DSCAM: variants seen among roughly 807,000 people sequenced by gnomAD.
DSCAM encodes the protein cell adhesion molecule DSCAM.
In DSCAM, 47 loss-of-function variants were observed where a neutral mutation model predicts 217.7. The observed-to-expected ratio is 0.22, with a 90% CI of 0.17 to 0.28. The LOEUF is 0.28. Ranked by LOEUF, DSCAM falls within the 10% of genes least tolerant of loss-of-function variation. The pLI, the probability that DSCAM is intolerant of heterozygous loss-of-function variation, is 1.00. For missense variants in DSCAM, 2,080 were observed against 2,618.3 expected (o/e 0.79, Z 4.49); for synonymous variants, 1,056 against 1,015.3 (o/e 1.04, Z -0.76).
At chr21:40,225,494 C>A (rs2837516) in intron 11 of DSCAM, among the ~76,000 whole-genome samples, 8 of 151,936 alleles carry the variant, frequency 5.3e-5, no homozygotes, top group Non-Finnish European at 1.2e-4. Flanking sequence ...ATCTTCAAAA[C>A]GGCTAAAATC....
intron 11 of DSCAM, among the ~76,000 whole-genome samples, chr21:40,269,029 A>C (rs958138963): frequency 1.3e-5 from 2 of 152,052 alleles, no homozygotes; most frequent in Non-Finnish European, 2.9e-5. Flanking sequence ...CTAACTCCTC[A>C]TTCCCCCAGA....
intron 10 of DSCAM, among the ~76,000 whole-genome samples, chr21:40,285,471 G>C (rs2073813224): frequency 6.6e-6 from 1 of 152,188 alleles, no homozygotes; most frequent in Non-Finnish European, 1.5e-5. Flanking sequence ...CACTTCCTTA[G>C]GTGAGGACCC....
At chr21:40,264,855 C>T (rs552444383) in intron 11 of DSCAM, among the ~76,000 whole-genome samples, 2 of 152,234 alleles carry the variant, frequency 1.3e-5, no homozygotes, top group African/African-American at 4.8e-5. Flanking sequence ...TATCAATATA[C>T]ACAAATCAGT....
intron 3 of DSCAM, among the ~76,000 whole-genome samples, chr21:40,487,280 T>G (rs1440524965): frequency 6.7e-6 from 1 of 148,564 alleles, no homozygotes; most frequent in Non-Finnish European, 1.5e-5. Context: ...TCTCTGTGTG[T>G]GTGCATGTGT....
chr21:40,560,817 T>C (rs1281810015), intron 3 of DSCAM, among the ~76,000 whole-genome samples: 1 of 152,192 alleles, frequency 6.6e-6, no homozygotes, highest in African/African-American at 2.4e-5. Context: ...AAAGAGAGTA[T>C]GGAACCACAT....
intron 32 of DSCAM, among the ~76,000 whole-genome samples, chr21:40,032,080 G>A (rs373343914): frequency 1.3e-5 from 2 of 152,180 alleles, no homozygotes; most frequent in African/African-American, 4.8e-5. Context: ...TCTGTGGGAT[G>A]ATTCAAGATG....
chr21:40,387,476 TCTCA>T (rs890186399), intron 3 of DSCAM, among the ~76,000 whole-genome samples: 16 of 152,152 alleles, frequency 1.1e-4, no homozygotes, highest in South Asian at 2.1e-4. Context: ...GGATTTGTAG[TCTCA>T]CTGTCTCCAG....
chr21:40,455,584 T>C lies in DSCAM; in HGVS notation c.509-86339A>G, dbSNP rs527316303. On this transcript the variant is annotated intron_variant, in intron 3 of 32. Transcript: ENST00000400454. ...GAGTTCAAGACCAGCCTGGCCAACATAGCGAAACCCCGTCTCTACTGTAAA... is the reference window on the plus strand; with the variant it reads ...GAGTTCAAGACCAGCCTGGCCAACACAGCGAAACCCCGTCTCTACTGTAAA... Among the ~76,000 whole-genome samples, 28 of 152,032 alleles carry C rather than the reference T, an allele frequency of 1.8e-4. 1 individual carries two copies. The East Asian group carries it at 2.3e-3, about 13-fold the overall frequency.
intron 24 of DSCAM, among the ~76,000 whole-genome samples, chr21:40,081,241 C>A (rs2089451823): frequency 6.6e-6 from 1 of 152,146 alleles, no homozygotes; most frequent in South Asian, 2.1e-4. Flanking sequence ...GGCTAGCTGG[C>A]CTGGAACATG....
intron 1 of DSCAM, among the ~76,000 whole-genome samples, chr21:40,771,947 C>T (rs897075145): frequency 2.0e-5 from 3 of 152,150 alleles, no homozygotes; most frequent in East Asian, 3.9e-4. Context: ...AATCTTTATG[C>T]GAATTTTATT....
At chr21:40,579,860 A>T (rs181928003) in intron 3 of DSCAM, among the ~76,000 whole-genome samples, 98 of 152,126 alleles carry the variant, frequency 6.4e-4, no homozygotes, top group Non-Finnish European at 1.1e-3. Flanking sequence ...CTTTGGTACT[A>T]AGAGGGTGTC....
Position 40,013,031 on chromosome 21 carries a change from C to CT in DSCAM, c.*2dup. 6.9e-7 allele frequency: 1 copy of CT among 1,458,128 alleles called. No individual in the cohort carries two copies. The highest frequency in any genetic ancestry group is 1.4e-5 in the African/African-American group (1 of 70,302). 90.3% of individuals were successfully genotyped at this position (1,458,128 alleles called of 1,614,324 possible). On this transcript the variant is annotated 3_prime_UTR_variant, in exon 33 of 33. Coordinates refer to ENST00000400454, the MANE Select transcript of DSCAM (RefSeq NM_001389.5). ...TACAACCGCTGTCCAGTCATGCTGT[C>CT]TGTTATACCAGGGTGTAAGATTTTG...
chr21:40,387,505 C>T (rs980088656), intron 3 of DSCAM, among the ~76,000 whole-genome samples: 8 of 152,176 alleles, frequency 5.3e-5, no homozygotes, highest in Admixed American at 4.6e-4. Flanking sequence ...CAGTAGACCT[C>T]ACTCTAGAAA....
At chr21:40,778,715 C>T (rs1336006153) in intron 1 of DSCAM, among the ~76,000 whole-genome samples, 1 of 151,760 alleles carries the variant, frequency 6.6e-6, no homozygotes, top group Non-Finnish European at 1.5e-5. Context: ...AAAAGAAGTT[C>T]AGTATATCAA....
chr21:40,672,054 G>A (rs2090282762), intron 3 of DSCAM, among the ~76,000 whole-genome samples: 1 of 152,152 alleles, frequency 6.6e-6, no homozygotes, highest in Non-Finnish European at 1.5e-5. Context: ...TCCTCACATG[G>A]CAGAGAGAGA....
intron 3 of DSCAM, among the ~76,000 whole-genome samples, chr21:40,513,720 C>T (rs1432377412): frequency 6.6e-6 from 1 of 152,156 alleles, no homozygotes; most frequent in African/African-American, 2.4e-5. Context: ...CCACCTTCAA[C>T]ATTAGGGGCC....
rs781487060 is a variant in DSCAM at position 40,729,894 on chromosome 21, ATTAATT to A, written c.44-21129_44-21124del. Among the ~76,000 whole-genome samples the A allele has an allele frequency of 7.9e-5, 12 of 152,332 alleles. No individual in the cohort carries two copies. The East Asian group carries it at 2.3e-3, about 29-fold the overall frequency. On this transcript the variant is annotated intron_variant, in intron 1 of 32. Transcript: ENST00000400454. Reference sequence around the variant, plus strand: ...TACAACCAAATCTCAGTTGGAATTCATTAATTTTGACAGTTTGCCTATCACACTAGA... The same window carrying A: ...TACAACCAAATCTCAGTTGGAATTCATTGACAGTTTGCCTATCACACTAGA...
At chr21:40,020,782 C>T (rs1317309680) in intron 32 of DSCAM, among the ~76,000 whole-genome samples, 2 of 152,288 alleles carry the variant, frequency 1.3e-5, no homozygotes, top group African/African-American at 4.8e-5. Context: ...CCAGCCCAGG[C>T]CCAGCATGAA....
At chr21:40,733,277 C>T (rs2091031027) in intron 1 of DSCAM, among the ~76,000 whole-genome samples, 1 of 152,226 alleles carries the variant, frequency 6.6e-6, no homozygotes, top group African/African-American at 2.4e-5. Flanking sequence ...TGGATACTGA[C>T]TGATGGGACT....
Sources: gnomAD v4.1 joint callset for allele counts (sites outside exome capture counted in the v4.1 genomes callset) on GRCh38, gnomAD v4.1.1 for gene constraint, MANE v1.5 for transcripts, NCBI Gene and HGNC (gene_info 2026-07-23, HGNC 2026-07-21) for gene names.